The following RARS2 variants were observed in gnomAD, a reference collection of about 807,000 sequenced individuals.
RARS2 encodes the protein probable arginine--tRNA ligase, mitochondrial.
In RARS2, 67 loss-of-function variants were observed where a neutral mutation model predicts 88.5. The observed-to-expected ratio is 0.76, with a 90% CI of 0.62 to 0.93. The LOEUF is 0.93. RARS2 is among the 40% of genes least tolerant of loss of function. RARS2 has a pLI of 0.00. For synonymous variants in RARS2, 239 were observed against 230.3 expected, an observed-to-expected ratio of 1.04 and a Z score of -0.34; for missense variants, 664 against 684.2, an observed-to-expected ratio of 0.97 and a Z score of 0.33.
chr6:87,556,214 T>TA (rs1346381633), intron 4 of RARS2, among the ~76,000 whole-genome samples: 5 of 152,242 alleles, frequency 3.3e-5, no homozygotes, highest in African/African-American at 1.2e-4. Context: ...CTATGATATA[T>TA]AGTTCACAAA....
intron 1 of RARS2, among the ~76,000 whole-genome samples, 159 bp from the exon 2 acceptor site, chr6:87,569,749 T>C (rs886591842): frequency 1.3e-5 from 2 of 152,158 alleles, no homozygotes; most frequent in African/African-American, 4.8e-5. Flanking sequence ...GTATATAGTG[T>C]ATGATTCAAT....
chr6:87,560,649 A>G (rs1184149614), intron 4 of RARS2, among the ~76,000 whole-genome samples: 1 of 152,238 alleles, frequency 6.6e-6, no homozygotes, highest in Non-Finnish European at 1.5e-5. Flanking sequence ...CTGTAATGCC[A>G]GCACTTTGGG....
intron 6 of RARS2, among the ~76,000 whole-genome samples, chr6:87,547,936 G>T (rs1421178874): frequency 2.0e-5 from 3 of 152,062 alleles, no homozygotes; most frequent in Non-Finnish European, 4.4e-5. Context: ...CACTATGCCC[G>T]GCCAGAAATA....
At chr6:87,582,858 C>A (rs1295728860) in intron 1 of RARS2, among the ~76,000 whole-genome samples, 1 of 152,190 alleles carries the variant, frequency 6.6e-6, no homozygotes, top group Non-Finnish European at 1.5e-5. Context: ...TCACCATTAG[C>A]AGGGTAGCTC....
At chr6:87,575,365 G>C (rs1771159868) in intron 1 of RARS2, among the ~76,000 whole-genome samples, 1 of 152,048 alleles carries the variant, frequency 6.6e-6, no homozygotes, top group South Asian at 2.1e-4. Flanking sequence ...CAGAAGTGAT[G>C]AGAGAGAGGG....
intron 1 of RARS2, among the ~76,000 whole-genome samples, chr6:87,587,730 G>C (rs1295715915): frequency 6.6e-6 from 1 of 152,102 alleles, no homozygotes; most frequent in East Asian, 1.9e-4. Flanking sequence ...GTAGTAACTA[G>C]CACAAATATA....
chr6:87,572,651 A>T (rs1770141509), intron 1 of RARS2, among the ~76,000 whole-genome samples: 1 of 151,862 alleles, frequency 6.6e-6, no homozygotes, highest in African/African-American at 2.4e-5. Flanking sequence ...TGTAGCCTCG[A>T]CCTCCTGGTC....
At chr6:87,555,318 A>G in intron 5 of RARS2, 90 bp downstream of exon 5, 1 of 980,596 alleles carries the variant, frequency 1.0e-6, no homozygotes, top group Non-Finnish European at 1.6e-6. Flanking sequence ...TCCACATGTT[A>G]TTTATTAAGA....
At chr6:87,548,964 A>G (rs1783487900) in intron 5 of RARS2, among the ~76,000 whole-genome samples, 1 of 152,220 alleles carries the variant, frequency 6.6e-6, no homozygotes, top group South Asian at 2.1e-4. Context: ...CTGTAATCTC[A>G]GCACTTTGGG....
At position 87,562,750 on chromosome 6, in the gene RARS2, A is replaced by G; in HGVS notation, c.249T>C (p.Thr83=). ...TTTTGAAATTTACAGTCCTTTGACC[A>G]GTACTGATTTCACTCACCACTGTAT... ...RCDTVVSEIS[T]GQRTVNFKIN... The change falls in exon 4 of 20, where the codon ACT becomes ACC. Residue 83 remains threonine, a synonymous_variant. Coordinates refer to ENST00000369536, the MANE Select transcript of RARS2 (RefSeq NM_020320.5). 1 of 1,613,764 alleles carries G rather than the reference A, an allele frequency of 6.2e-7. No individual in the cohort carries two copies. Among genetic ancestry groups the G allele is most frequent in the African/African-American group, 1.3e-5 (1 of 75,064 alleles).
intron 12 of RARS2, 25 bp from the exon 13 acceptor site, chr6:87,520,281 T>C (rs1562063628): frequency 6.6e-7 from 1 of 1,509,546 alleles, no homozygotes; most frequent in Non-Finnish European, 9.2e-7. Context: ...ATATATAAAA[T>C]AAAAGAATAC....
intron 5 of RARS2, among the ~76,000 whole-genome samples, chr6:87,551,391 C>T (rs1302786058): frequency 2.6e-5 from 4 of 151,768 alleles, no homozygotes; most frequent in Non-Finnish European, 2.9e-5. Context: ...TTTGGGAGGC[C>T]GAGCTGGGTG....
At chr6:87,529,385 A>AATAG (rs1199894278) in intron 10 of RARS2, among the ~76,000 whole-genome samples, 157 bp downstream of exon 10, 1 of 152,200 alleles carries the variant, frequency 6.6e-6, no homozygotes, top group Admixed American at 6.5e-5. Flanking sequence ...ATGGAAGCAA[A>AATAG]ATACAGAATG....
intron 1 of RARS2, among the ~76,000 whole-genome samples, chr6:87,570,335 C>T (rs144405085): frequency 6.6e-5 from 10 of 152,222 alleles, no homozygotes; most frequent in African/African-American, 2.4e-4. Context: ...GCTCCTCGCA[C>T]GACTGTTAAT....
At chr6:87,574,280 A>C (rs1179860705) in intron 1 of RARS2, among the ~76,000 whole-genome samples, 1 of 152,242 alleles carries the variant, frequency 6.6e-6, no homozygotes, top group African/African-American at 2.4e-5. Flanking sequence ...GAAAAATATC[A>C]GGGCTAGTTT....
chr6:87,518,248 CAA>C lies in RARS2; in HGVS notation c.1430_1431del (p.Phe477TrpfsTer7), dbSNP rs759420180. On this transcript the variant is annotated frameshift_variant, in exon 17 of 20. Transcript: ENST00000369536. LOFTEE classifies it high-confidence loss of function. ...TTGAAGTCATTCAGGTACCCACATC[CAA>C]AAGTCTCTTCCAAACTTATCAAAAG... ...HARLHSLEET[F>X]GCGYLNDFNT... is the part of the protein sequence containing the mutation. The C allele has an allele frequency of 3.7e-6, 6 of 1,614,014 alleles. No individual in the cohort carries two copies. The highest frequency in any genetic ancestry group is 5.1e-6 in the Non-Finnish European group (6 of 1,180,016).
intron 1 of RARS2, among the ~76,000 whole-genome samples, chr6:87,570,569 C>T (rs374062392): frequency 1.3e-5 from 2 of 152,070 alleles, no homozygotes; most frequent in East Asian, 3.9e-4. Flanking sequence ...CAGACGCACA[C>T]CACCAAGCGC....
At chr6:87,576,250 T>A (rs113861370) in intron 1 of RARS2, among the ~76,000 whole-genome samples, 1 of 116,330 alleles carries the variant, frequency 8.6e-6, no homozygotes, top group African/African-American at 3.3e-5. Context: ...GAGTGACATT[T>A]ACAGGTATAA....
chr6:87,579,715 GTTTTTTTTT>G (rs35014020), intron 1 of RARS2, among the ~76,000 whole-genome samples: 7 of 60,468 alleles, frequency 1.2e-4, no homozygotes, highest in Non-Finnish European at 1.7e-4. Context: ...CATAGAGCAT[GTTTTTTTTT>G]TTTTTTTTTT....
Sources: allele counts gnomAD v4.1 joint callset (sites outside exome capture counted in the v4.1 genomes callset), GRCh38; gene constraint gnomAD v4.1.1; transcripts MANE v1.5; gene names NCBI Gene and HGNC (gene_info 2026-07-23, HGNC 2026-07-21).